The following SEMA3A variants were observed in gnomAD, a reference collection of about 807,000 sequenced individuals.
SEMA3A encodes semaphorin 3A.
A neutral mutation model predicts 97.9 loss-of-function variants in SEMA3A; 29 were observed. The observed-to-expected ratio is 0.30, with a 90% CI of 0.22 to 0.40. The LOEUF (loss-of-function observed/expected upper bound fraction) is 0.40. Ranked by LOEUF, SEMA3A falls within the 10% of genes least tolerant of loss-of-function variation. The pLI, the probability that SEMA3A is intolerant of heterozygous loss-of-function variation, is 1.00. For synonymous variants in SEMA3A, 321 were observed against 323.7 expected (o/e 0.99, Z 0.09); for missense variants, 763 against 951.3 (o/e 0.80, Z 2.60).
rs575406504 is a variant in SEMA3A at position 83,983,600 on chromosome 7, G to T, written c.1494+1836C>A. 8.5e-5 allele frequency among the ~76,000 whole-genome samples: 13 copies of T among 152,144 alleles called. No homozygotes were observed. The South Asian group carries it at 2.7e-3, about 32-fold the overall frequency. On this transcript the variant is annotated intron_variant, in intron 13 of 16. Coordinates refer to ENST00000265362, the MANE Select transcript of SEMA3A (RefSeq NM_006080.3). ...AAAATATAGCAGCTGAAATTATTATGATGAAAACCTGAACTGTGATAAAAT... is the reference window on the plus strand; with the variant it reads ...AAAATATAGCAGCTGAAATTATTATTATGAAAACCTGAACTGTGATAAAAT...
intron 1 of SEMA3A, among the ~76,000 whole-genome samples, chr7:84,449,537 A>G (rs1253424385): frequency 6.6e-6 from 1 of 152,194 alleles, no homozygotes; most frequent in African/African-American, 2.4e-5. Context: ...GATATAGTGA[A>G]CATTGTTATT....
At chr7:84,030,987 G>GTTTTTTTTTT (rs10615974) in intron 6 of SEMA3A, among the ~76,000 whole-genome samples, 4 of 95,022 alleles carry the variant, frequency 4.2e-5, no homozygotes, top group African/African-American at 8.6e-5. Flanking sequence ...TTTTGGTCAA[G>GTTTTTTTTTT]TTTTTTTTTT....
intron 3 of SEMA3A, among the ~76,000 whole-genome samples, chr7:84,281,381 A>G (rs985029210): frequency 1.3e-5 from 2 of 152,176 alleles, no homozygotes; most frequent in Admixed American, 6.5e-5. Context: ...TACTGCCCAC[A>G]TGAGCCATGG....
At chr7:84,424,584 T>A (rs1422915316) in intron 1 of SEMA3A, among the ~76,000 whole-genome samples, 11 of 50,654 alleles carry the variant, frequency 2.2e-4, no homozygotes, top group African/African-American at 1.5e-3. Context: ...TAATATATAT[T>A]ATATATAATA....
In SEMA3A at chr7:84,166,222, T is replaced by G. The variant is rs180902692; in HGVS notation, c.112+28253A>C. Among the ~76,000 whole-genome samples the G allele has an allele frequency of 1.1e-4, 16 of 151,008 alleles. 1 individual carries two copies. Among genetic ancestry groups the G allele is most frequent in the Admixed American group, 2.0e-4 (3 of 15,136 alleles). On this transcript the variant is annotated intron_variant, in intron 1 of 16. Transcript: ENST00000265362. ...GCCCAGGAAGTCCAGGCTATAATGT[T>G]AGCAATGATTGCACTGCTGCACTCC... is the stretch of plus-strand genomic sequence containing the variant.
intron 2 of SEMA3A, among the ~76,000 whole-genome samples, chr7:84,307,983 A>T (rs1451099533): frequency 1.3e-5 from 2 of 152,072 alleles, no homozygotes; most frequent in East Asian, 3.8e-4. Flanking sequence ...TGGGCCGAGG[A>T]TTTAATATAT....
rs368421141 is a variant in SEMA3A, at chr7:84,299,338, ATCTC to A, written c.-83+7865_-83+7868del. On this transcript the variant is annotated intron_variant, in intron 3 of 3. Coordinates refer to the SEMA3A transcript ENST00000424555. ...TATATATATATCTCCATATATATGTATCTCTCTCTCTCTCTCTCTCTCTCTCCCT... is the reference window on the plus strand; with the variant it reads ...TATATATATATCTCCATATATATGTATCTCTCTCTCTCTCTCTCTCTCCCT... Among the ~76,000 whole-genome samples, 72 of 112,988 alleles carry A rather than the reference ATCTC, an allele frequency of 6.4e-4. 1 individual carries two copies. The highest frequency in any genetic ancestry group is 2.0e-3 in the African/African-American group (59 of 29,078). 74.1% of individuals were successfully genotyped at this position (112,988 alleles called of 152,430 possible). A position where few individuals can be genotyped will look rare whatever the true frequency, so the allele number is the denominator to read the frequency against.
chr7:84,249,752 C>T (rs539668428), intron 3 of SEMA3A, among the ~76,000 whole-genome samples: 7 of 150,088 alleles, frequency 4.7e-5, no homozygotes, highest in African/African-American at 7.3e-5. Flanking sequence ...TCATCTTGGG[C>T]AAGTTACATC....
chr7:83,979,914 G>T (rs999038195), intron 14 of SEMA3A, among the ~76,000 whole-genome samples: 2 of 152,006 alleles, frequency 1.3e-5, no homozygotes, highest in African/African-American at 4.8e-5. Context: ...TACAAATGTT[G>T]TAGGACATAC....
chr7:84,313,406 A>AT (rs1801412338), intron 2 of SEMA3A, among the ~76,000 whole-genome samples: 1 of 120,330 alleles, frequency 8.3e-6, no homozygotes, highest in African/African-American at 3.2e-5. Context: ...ATATATATAT[A>AT]AACTATACGT....
intron 2 of SEMA3A, among the ~76,000 whole-genome samples, chr7:84,356,085 C>T (rs1459671683): frequency 6.6e-6 from 1 of 151,818 alleles, no homozygotes; most frequent in Non-Finnish European, 1.5e-5. Context: ...CTTCATTTAT[C>T]CATAGTGCAC....
intron 7 of SEMA3A, among the ~76,000 whole-genome samples, chr7:84,012,074 G>A (rs1790904788): frequency 6.6e-6 from 1 of 152,058 alleles, no homozygotes. Context: ...TGGTTACCAG[G>A]GCCTTTGGGG....
At chr7:84,064,967 A>AT (rs1793419482) in intron 4 of SEMA3A, among the ~76,000 whole-genome samples, 1 of 152,232 alleles carries the variant, frequency 6.6e-6, no homozygotes, top group Non-Finnish European at 1.5e-5. Context: ...CAGAATATAC[A>AT]TTTTTTCGGC....
At chr7:84,343,071 C>T (rs906763311) in intron 2 of SEMA3A, among the ~76,000 whole-genome samples, 4 of 152,140 alleles carry the variant, frequency 2.6e-5, no homozygotes, top group African/African-American at 7.2e-5. Flanking sequence ...ACTACTGTTA[C>T]CACTAACATT....
At chr7:84,267,191 A>G (rs958824316) in intron 3 of SEMA3A, among the ~76,000 whole-genome samples, 5 of 152,176 alleles carry the variant, frequency 3.3e-5, no homozygotes, top group African/African-American at 2.4e-5. Flanking sequence ...ATGCTAAACC[A>G]GTATAATACA....
chr7:84,058,906 C>T (rs1191139017), intron 5 of SEMA3A, among the ~76,000 whole-genome samples: 2 of 152,078 alleles, frequency 1.3e-5, no homozygotes, highest in Non-Finnish European at 2.9e-5. Flanking sequence ...TGGGTGGTTG[C>T]ATACCATATG....
chr7:84,437,082 T>C (rs952159061), intron 1 of SEMA3A, among the ~76,000 whole-genome samples: 32 of 152,114 alleles, frequency 2.1e-4, no homozygotes, highest in Non-Finnish European at 4.4e-5. Context: ...GTATTTTTGA[T>C]GTATCATCCT....
At chr7:84,332,876 T>C (rs1300849733) in intron 2 of SEMA3A, among the ~76,000 whole-genome samples, 1 of 152,146 alleles carries the variant, frequency 6.6e-6, no homozygotes, top group African/African-American at 2.4e-5. Context: ...CCTACATACA[T>C]ATTATCAAGG....
intron 1 of SEMA3A, among the ~76,000 whole-genome samples, chr7:84,167,825 CAA>C (rs1212690280): frequency 6.6e-6 from 1 of 152,000 alleles, no homozygotes; most frequent in Non-Finnish European, 1.5e-5. Flanking sequence ...ATGTAAGAAA[CAA>C]GAGCCATAAT....
Sources: allele counts gnomAD v4.1 joint callset (sites outside exome capture counted in the v4.1 genomes callset), GRCh38; gene constraint gnomAD v4.1.1; transcripts MANE v1.5; gene names NCBI Gene and HGNC (gene_info 2026-07-23, HGNC 2026-07-21).